The following STAM variants were observed in gnomAD, a reference collection of about 807,000 sequenced individuals.
STAM encodes signal transducing adaptor molecule.
STAM carries 16 observed loss-of-function variants against 63.4 expected under a neutral mutation model. The ratio of observed to expected loss-of-function variants is 0.25; its 90% CI spans 0.17 to 0.38. The LOEUF (loss-of-function observed/expected upper bound fraction) is 0.38. Among genes scored for constraint, STAM ranks in the 10% least tolerant of loss-of-function variants. The pLI is 1.00. For missense variants in STAM, 636 were observed against 657.1 expected (o/e 0.97, Z 0.35); for synonymous variants, 238 against 223.9 (o/e 1.06, Z -0.56).
intron 2 of STAM, among the ~76,000 whole-genome samples, chr10:17,671,902 A>G (rs1834654822): frequency 6.6e-6 from 1 of 152,236 alleles, no homozygotes; most frequent in Admixed American, 6.5e-5. Context: ...ATTTAGTAAT[A>G]TATACAGGAA....
intron 13 of STAM, among the ~76,000 whole-genome samples, chr10:17,713,055 C>T (rs1836629286): frequency 6.6e-6 from 1 of 152,196 alleles, no homozygotes; most frequent in African/African-American, 2.4e-5. Context: ...CTGCTAGACT[C>T]CCGGTCAGTT....
rs147474748 is a variant in STAM, at chr10:17,676,218, G to A, written c.126-8457G>A. Among the ~76,000 whole-genome samples, 351 of 152,272 alleles carry A rather than the reference G, an allele frequency of 2.3e-3. 2 individuals carry two copies. Among genetic ancestry groups the A allele is most frequent in the African/African-American group, 7.1e-3 (297 of 41,556 alleles). ...CGACTTAATTTTCATTTACTTCCAG[G>A]CATGAGCTGACTTATTTTTAATAGT... On this transcript the variant is annotated intron_variant, in intron 2 of 13. Coordinates refer to ENST00000377524, the MANE Select transcript of STAM (RefSeq NM_003473.4).
At position 17,715,322 on chromosome 10, in the gene STAM, G is replaced by T. The variant is rs181252461; in HGVS notation, c.*542G>T. 1.2e-5 allele frequency: 2 copies of T among 161,044 alleles called. No individual in the cohort carries two copies. Among genetic ancestry groups the T allele is most frequent in the African/African-American group, 2.4e-5 (1 of 41,556 alleles). 10.0% of individuals were successfully genotyped at this position (161,044 alleles called of 1,614,324 possible). On this transcript the variant is annotated 3_prime_UTR_variant, in exon 14 of 14. Transcript: ENST00000377524. Reference sequence around the variant, plus strand: ...GTTGTTAGCGTATTTACATGAAGGCGCATTATGTTGTCGTGTGTTTCAGTT... The same window carrying T: ...GTTGTTAGCGTATTTACATGAAGGCTCATTATGTTGTCGTGTGTTTCAGTT...
chr10:17,683,551 G>T (rs531708882), intron 2 of STAM, among the ~76,000 whole-genome samples: 190 of 151,982 alleles, frequency 1.3e-3, no homozygotes, highest in African/African-American at 4.4e-3. Context: ...ACTTCAGTTT[G>T]GGTACTTTCA....
intron 1 of STAM, 145 bp from the exon 2 acceptor site, chr10:17,660,319 G>T: frequency 2.0e-6 from 1 of 502,186 alleles, no homozygotes. Context: ...TTTCAAGATG[G>T]CCATGAAAAT....
At chr10:17,661,186 G>A (rs1834151563) in intron 2 of STAM, among the ~76,000 whole-genome samples, 1 of 152,216 alleles carries the variant, frequency 6.6e-6, no homozygotes. Context: ...AATTGGTGTG[G>A]ATATGGGTGA....
In STAM at chr10:17,644,211, GC is replaced by G; in HGVS notation, c.-128del. ...TTGGTGGGGTTGGGTGAGAGGAGGA[GC>G]TGTCGCGGACCCTGTAGAGTCGGTC... On this transcript the variant is annotated 5_prime_UTR_variant, in exon 1 of 14. Transcript: ENST00000377524. 1 of 975,562 alleles carries G rather than the reference GC, an allele frequency of 1.0e-6. No homozygotes were observed. Among genetic ancestry groups the G allele is most frequent in the Admixed American group, 2.0e-5 (1 of 49,946 alleles). 60.4% of individuals were successfully genotyped at this position (975,562 alleles called of 1,614,324 possible).
At chr10:17,686,068 A>G (rs761377917) in intron 4 of STAM, among the ~76,000 whole-genome samples, 21 of 152,200 alleles carry the variant, frequency 1.4e-4, no homozygotes, top group Non-Finnish European at 2.8e-4. Context: ...AAAATTCTGT[A>G]CTTTTCGAAC....
intron 12 of STAM, among the ~76,000 whole-genome samples, chr10:17,707,204 T>C (rs1381103990): frequency 6.6e-6 from 1 of 152,032 alleles, no homozygotes; most frequent in East Asian, 1.9e-4. Flanking sequence ...GGTCAGGAGA[T>C]GGAGACCATC....
At chr10:17,708,661 A>G in intron 12 of STAM, 115 bp from the exon 13 acceptor site, 1 of 1,062,846 alleles carries the variant, frequency 9.4e-7, no homozygotes, top group Non-Finnish European at 1.3e-6. Flanking sequence ...CTTTGAAAAA[A>G]GGATTCCAGA....
intron 2 of STAM, among the ~76,000 whole-genome samples, chr10:17,677,450 A>G (rs1391653131): frequency 6.6e-6 from 1 of 152,206 alleles, no homozygotes; most frequent in African/African-American, 2.4e-5. Flanking sequence ...AATTCTTTAT[A>G]TCTGGCCTTT....
chr10:17,699,584 A>G lies in STAM; in HGVS notation c.824-607A>G, dbSNP rs546473133. On this transcript the variant is annotated intron_variant, in intron 8 of 13. Coordinates refer to ENST00000377524, the MANE Select transcript of STAM (RefSeq NM_003473.4). ...GACCACTTTTTAATGTCAAATGATA[A>G]TATTATATAACTAGAAAATACAGGC... Among the ~76,000 whole-genome samples the G allele has an allele frequency of 5.9e-5, 9 of 152,300 alleles. No homozygotes were observed. The South Asian group carries it at 8.3e-4, about 14-fold the overall frequency.
chr10:17,689,986 G>A (rs1462935215), intron 5 of STAM, among the ~76,000 whole-genome samples: 1 of 152,220 alleles, frequency 6.6e-6, no homozygotes, highest in African/African-American at 2.4e-5. Context: ...GTAAGAAAAG[G>A]AAGAATTAAT....
At chr10:17,656,061 A>G (rs1278844769) in intron 1 of STAM, among the ~76,000 whole-genome samples, 3 of 151,902 alleles carry the variant, frequency 2.0e-5, no homozygotes, top group Non-Finnish European at 4.4e-5. Context: ...TTGGGAGGCC[A>G]AGGTGGGTGA....
chr10:17,685,779 G>A (rs1554826013), intron 4 of STAM, among the ~76,000 whole-genome samples: 2 of 152,148 alleles, frequency 1.3e-5, no homozygotes. Flanking sequence ...CAGAAAGAAA[G>A]CAGGGAGAAC....
intron 9 of STAM, among the ~76,000 whole-genome samples, chr10:17,701,966 C>G (rs1191609686): frequency 6.6e-6 from 1 of 152,082 alleles, no homozygotes; most frequent in Non-Finnish European, 1.5e-5. Flanking sequence ...GCTAGTAGAT[C>G]ATTAAAAATA....
chr10:17,661,554 A>G (rs1297111985), intron 2 of STAM, among the ~76,000 whole-genome samples: 2 of 152,194 alleles, frequency 1.3e-5, no homozygotes, highest in Non-Finnish European at 2.9e-5. Flanking sequence ...ATTTCTGGAT[A>G]TCGTTCTATA....
At chr10:17,681,639 G>T (rs1299680357) in intron 2 of STAM, among the ~76,000 whole-genome samples, 6 of 152,210 alleles carry the variant, frequency 3.9e-5, no homozygotes, top group African/African-American at 1.4e-4. Context: ...TTAATATTTT[G>T]AGGCTATCCT....
chr10:17,677,165 T>C (rs1834891086), intron 2 of STAM, among the ~76,000 whole-genome samples: 1 of 152,206 alleles, frequency 6.6e-6, no homozygotes, highest in Admixed American at 6.5e-5. Context: ...GCCAGAGATA[T>C]CTTTGCTTTG....
Sources: allele counts gnomAD v4.1 joint callset (sites outside exome capture counted in the v4.1 genomes callset), GRCh38; gene constraint gnomAD v4.1.1; transcripts MANE v1.5; gene names NCBI Gene and HGNC (gene_info 2026-07-23, HGNC 2026-07-21).